The following GLDN variants were observed in gnomAD, a reference collection of about 807,000 sequenced individuals.
GLDN encodes collomin.
Under a neutral mutation model 56.5 loss-of-function variants are expected in GLDN, and 47 were observed. The ratio of observed to expected loss-of-function variants is 0.83; its 90% CI spans 0.66 to 1.06. The LOEUF is 1.06. Among genes scored for constraint, GLDN ranks in the 50% least tolerant of loss-of-function variants. The pLI, the probability that GLDN is intolerant of heterozygous loss-of-function variation, is 0.00. For synonymous variants in GLDN, 332 were observed against 278.8 expected (o/e 1.19, Z -1.90); for missense variants, 782 against 714.3 (o/e 1.09, Z -1.08).
chr15:51,368,381 G>A (rs1025450029), intron 1 of GLDN, among the ~76,000 whole-genome samples: 1 of 152,012 alleles, frequency 6.6e-6, no homozygotes, highest in African/African-American at 2.4e-5. Context: ...CTTTTTGGAA[G>A]GCTGAGAAAG....
intron 1 of GLDN, 58 bp from the exon 2 acceptor site, chr15:51,377,391 G>A (rs561879401): frequency 7.2e-7 from 1 of 1,385,756 alleles, no homozygotes. Context: ...TCTGAATAAA[G>A]GATGAGCCCA....
In GLDN at chr15:51,376,708, A is replaced by C. The variant is rs150392816; in HGVS notation, c.364-741A>C. Among the ~76,000 whole-genome samples the C allele has an allele frequency of 1.6e-3, 246 of 152,362 alleles. 2 individuals carry two copies. The highest frequency in any genetic ancestry group is 5.6e-3 in the African/African-American group (233 of 41,582). On this transcript the variant is annotated intron_variant, in intron 1 of 9. Transcript: ENST00000335449. ...ATGTAAGCTTTTTCCTATTTTTAAA[A>C]TTTGGTGTTTTTTGTTTGTTTACTT...
At chr15:51,395,764 A>G (rs923835271) in intron 5 of GLDN, among the ~76,000 whole-genome samples, 2 of 151,478 alleles carry the variant, frequency 1.3e-5, no homozygotes, top group Admixed American at 6.6e-5. Flanking sequence ...ATATATTTAA[A>G]AAAAGGTTTA....
Position 51,404,433 on chromosome 15 carries a change from G to A in GLDN, c.1335G>A (p.Ser445=), listed in dbSNP as rs757603713. 2.2e-5 allele frequency: 35 copies of A among 1,614,122 alleles called. No individual in the cohort carries two copies. The highest frequency in any genetic ancestry group is 3.3e-5 in the Admixed American group (2 of 60,028). ...WIIYASSVDG[S]SILVAQLDER... ...TCTATGCGTCAAGTGTGGACGGCTC[G>A]AGCATTCTTGTAGCACAACTGGATG... Residue 445 remains serine (S), a synonymous_variant, in exon 10 of 10, where the codon TCG becomes TCA. Transcript: ENST00000335449.
chr15:51,377,417 T>G (rs769706766), intron 1 of GLDN, 32 bp from the exon 2 acceptor site: 21 of 1,595,322 alleles, frequency 1.3e-5, no homozygotes, highest in Non-Finnish European at 1.6e-5. Flanking sequence ...TGCTGCCCAC[T>G]GTCTGCTCTG....
chr15:51,365,477 AG>A (rs1179568656), intron 1 of GLDN, among the ~76,000 whole-genome samples: 5 of 152,336 alleles, frequency 3.3e-5, no homozygotes, highest in Admixed American at 3.3e-4. Flanking sequence ...TGTTTCAAAA[AG>A]GTCTTTATCT....
intron 4 of GLDN, among the ~76,000 whole-genome samples, chr15:51,392,434 G>A (rs2038043158): frequency 6.6e-6 from 1 of 152,196 alleles, no homozygotes; most frequent in African/African-American, 2.4e-5. Context: ...ACCCCCAGAT[G>A]GGACTGTCTA....
intron 4 of GLDN, among the ~76,000 whole-genome samples, chr15:51,393,336 A>G (rs1374231679): frequency 6.6e-6 from 1 of 152,202 alleles, no homozygotes; most frequent in African/African-American, 2.4e-5. Flanking sequence ...TGATGGGTCC[A>G]CCGCAGCCTT....
chr15:51,341,908 C>A lies in GLDN; in HGVS notation c.224C>A (p.Ala75Glu). 1 of 1,592,302 alleles carries A rather than the reference C, an allele frequency of 6.3e-7. No homozygotes were observed. The highest frequency in any genetic ancestry group is 2.2e-5 in the East Asian group (1 of 44,584). The change falls in exon 1 of 10, where the codon GCG becomes GAG. Residue 75 changes from alanine (A) to glutamate (E), a missense_variant. Transcript: ENST00000335449. ...LRSFLAELSR[A>E]PRGASAPPQD... ...TCCTTCCTGGCCGAGTTGAGCCGCG[C>A]GCCGCGCGGGGCGTCCGCACCACCC...
At chr15:51,378,579 G>T (rs187037739) in intron 2 of GLDN, among the ~76,000 whole-genome samples, 1 of 152,102 alleles carries the variant, frequency 6.6e-6, no homozygotes, top group Admixed American at 6.5e-5. Context: ...TGCATGGGAC[G>T]GAGCTATTGA....
Position 51,341,739 on chromosome 15 carries a change from G to C in GLDN, c.55G>C (p.Ala19Pro), listed in dbSNP as rs781281963. The C allele has an allele frequency of 4.1e-6, 6 of 1,461,212 alleles. No homozygotes were observed. The highest frequency in any genetic ancestry group is 2.8e-5 in the South Asian group (2 of 72,266). 90.5% of individuals were successfully genotyped at this position (1,461,212 alleles called of 1,614,324 possible). A position where few individuals can be genotyped will look rare whatever the true frequency, so the allele number is the denominator to read the frequency against. Residue 19 changes from alanine (A) to proline (P), a missense_variant, in exon 1 of 10, where the codon GCC becomes CCC. Ala to Pro is a conservative substitution (Grantham distance 27). Coordinates refer to ENST00000335449, the MANE Select transcript of GLDN (RefSeq NM_181789.4). ...GGACGCGGGTTGGGGCCTGCGTGGC[G>C]CCCTGGCGGCCGTGGCGCTGCTCTC... ...RGDAGWGLRG[A>P]LAAVALLSAL...
Position 51,341,965 on chromosome 15 carries a change from G to T in GLDN, c.281G>T (p.Arg94Leu), listed in dbSNP as rs1327824231. 2.5e-6 allele frequency: 4 copies of T among 1,597,480 alleles called. No homozygotes were observed. The highest frequency in any genetic ancestry group is 1.1e-5 in the South Asian group (1 of 91,048). ...CCGGCCAGCTCAGCTCGCAACAAGCGCAGCCACAGCGGCGAGCCCGCGCCG... is the reference window on the plus strand; with the variant it reads ...CCGGCCAGCTCAGCTCGCAACAAGCTCAGCCACAGCGGCGAGCCCGCGCCG... ...QDPASSARNKRSHSGEPAPHI... is the reference protein window; with the variant it reads ...QDPASSARNKLSHSGEPAPHI... The change falls in exon 1 of 10, where the codon CGC (arginine) becomes CTC (leucine). Residue 94 changes from arginine (R) to leucine (L), a missense_variant. By Grantham distance (102) the Arg-to-Leu change is moderately radical. Transcript: ENST00000335449.
intron 1 of GLDN, among the ~76,000 whole-genome samples, chr15:51,346,071 A>G (rs2036973576): frequency 6.6e-6 from 1 of 152,204 alleles, no homozygotes; most frequent in Admixed American, 6.5e-5. Context: ...CAAATGGTAA[A>G]AATAGTATGT....
At chr15:51,387,566 A>G (rs1447152438) in intron 4 of GLDN, among the ~76,000 whole-genome samples, 1 of 152,144 alleles carries the variant, frequency 6.6e-6, no homozygotes, top group Non-Finnish European at 1.5e-5. Flanking sequence ...CCAGGATGGC[A>G]CTGCAGGTCC....
intron 1 of GLDN, among the ~76,000 whole-genome samples, chr15:51,349,674 G>C (rs1008491404): frequency 6.6e-6 from 1 of 151,820 alleles, no homozygotes; most frequent in African/African-American, 2.4e-5. Context: ...TTTTTGTCTC[G>C]TTCTTCTCAG....
At chr15:51,381,053 G>A (rs2037747241) in intron 2 of GLDN, among the ~76,000 whole-genome samples, 1 of 152,222 alleles carries the variant, frequency 6.6e-6, no homozygotes, top group Non-Finnish European at 1.5e-5. Context: ...AGGCATTGCA[G>A]GCGATTCTGT....
At chr15:51,343,939 G>A (rs906750624) in intron 1 of GLDN, among the ~76,000 whole-genome samples, 2 of 152,188 alleles carry the variant, frequency 1.3e-5, no homozygotes, top group Non-Finnish European at 2.9e-5. Flanking sequence ...GGTGAGTTCG[G>A]TGCAGATGGT....
chr15:51,392,159 G>T (rs539916404), intron 4 of GLDN, among the ~76,000 whole-genome samples: 2 of 152,270 alleles, frequency 1.3e-5, no homozygotes, highest in South Asian at 4.2e-4. Context: ...TAAATGAAAG[G>T]TGCTAAGAGC....
chr15:51,369,526 T>C (rs2037473061), intron 1 of GLDN, among the ~76,000 whole-genome samples: 1 of 152,176 alleles, frequency 6.6e-6, no homozygotes, highest in East Asian at 1.9e-4. Context: ...TCTCTTACTT[T>C]TGTGTGAATT....
Sources: allele counts gnomAD v4.1 joint callset (sites outside exome capture counted in the v4.1 genomes callset), GRCh38; gene constraint gnomAD v4.1.1; transcripts MANE v1.5; gene names NCBI Gene and HGNC (gene_info 2026-07-23, HGNC 2026-07-21).